The following GPR158 variants were observed in gnomAD, a reference collection of about 807,000 sequenced individuals.
The protein encoded by GPR158 is metabotropic glycine receptor.
In GPR158, 30 loss-of-function variants were observed where a neutral mutation model predicts 78.2. That is an observed-to-expected ratio of 0.38 (90% CI 0.29 to 0.52). The LOEUF (loss-of-function observed/expected upper bound fraction) is 0.52, where lower values mean the gene tolerates loss of function less well. GPR158 is among the 20% of genes least tolerant of loss of function. GPR158 has a pLI of 0.83. For synonymous variants in GPR158, 581 were observed against 591.1 expected (o/e 0.98, Z 0.25); for missense variants, 1,463 against 1,523.5 (o/e 0.96, Z 0.66).
chr10:25,500,235 C>T (rs970418997), intron 5 of GPR158, among the ~76,000 whole-genome samples: 1 of 152,158 alleles, frequency 6.6e-6, no homozygotes, highest in Non-Finnish European at 1.5e-5. Flanking sequence ...TAGTTTCTGG[C>T]AGTCATTACT....
At chr10:25,237,951 C>CCTCACTCCCTTT (rs201029395) in intron 2 of GPR158, among the ~76,000 whole-genome samples, 1,578 of 152,208 alleles carry the variant, frequency 0.01, 20 homozygotes, top group South Asian at 0.039. Context: ...TCACTCCCTC[C>CCTCACTCCCTTT]CCTTTCTTTG....
At chr10:25,394,098 T>C (rs1056317671) in intron 2 of GPR158, among the ~76,000 whole-genome samples, 1 of 152,218 alleles carries the variant, frequency 6.6e-6, no homozygotes, top group South Asian at 2.1e-4. Context: ...CTTTCTCAGA[T>C]CAGTTAAATG....
chr10:25,211,830 A>G (rs188717272), intron 1 of GPR158, among the ~76,000 whole-genome samples: 62 of 152,302 alleles, frequency 4.1e-4, no homozygotes, highest in Non-Finnish European at 3.8e-4. Flanking sequence ...TAGTGGCCCA[A>G]GTTCCTAATA....
intron 1 of GPR158, among the ~76,000 whole-genome samples, chr10:25,194,766 T>C (rs1464237800): frequency 3.3e-5 from 5 of 152,184 alleles, no homozygotes; most frequent in Admixed American, 3.3e-4. Flanking sequence ...TTCCTTTCTT[T>C]CTTTACCCTC....
chr10:25,404,087 G>A lies in GPR158; in HGVS notation c.1111+8074G>A, dbSNP rs1258725916. On this transcript the variant is annotated intron_variant, in intron 3 of 10. Transcript: ENST00000376351. The stretch of plus-strand genomic sequence containing the variant: ...TGCATATGTTCTCTTTTCCTAGATA[G>A]AGAACTTCAGCATAAATCAGCAAAC... Among the ~76,000 whole-genome samples the A allele has an allele frequency of 3.3e-5, 5 of 152,146 alleles. No individual in the cohort carries two copies. The East Asian group carries it at 7.7e-4, about 24-fold the overall frequency.
chr10:25,505,199 T>C (rs1045197347), intron 5 of GPR158, among the ~76,000 whole-genome samples: 1 of 152,226 alleles, frequency 6.6e-6, no homozygotes, highest in East Asian at 1.9e-4. Flanking sequence ...TATTTTCTGT[T>C]CTCTGTTGAT....
intron 2 of GPR158, among the ~76,000 whole-genome samples, chr10:25,346,225 CAA>C (rs1491422676): frequency 3.9e-4 from 57 of 147,814 alleles, no homozygotes; most frequent in Non-Finnish European, 7.2e-4. Context: ...TGGGTGCTCT[CAA>C]TTATTTTGAA....
At chr10:25,484,432 C>T (rs1316554155) in intron 5 of GPR158, among the ~76,000 whole-genome samples, 3 of 152,112 alleles carry the variant, frequency 2.0e-5, no homozygotes, top group Non-Finnish European at 4.4e-5. Context: ...AATTTCCAGT[C>T]AGATCAAATG....
At position 25,478,003 on chromosome 10, in the gene GPR158, C is replaced by T. The variant is rs935980135; in HGVS notation, c.1404+11284C>T. ...AGTTCCATTTATCCACTTGGCTTGT[C>T]TCCTCTTCTGTACTCAACCCATCAG... On this transcript the variant is annotated intron_variant, in intron 5 of 10. Transcript: ENST00000376351. 4.6e-5 allele frequency among the ~76,000 whole-genome samples: 7 copies of T among 152,144 alleles called. 1 individual carries two copies. Among genetic ancestry groups the T allele is most frequent in the Admixed American group, 3.9e-4 (6 of 15,264 alleles).
At chr10:25,203,085 C>A (rs1297880968) in intron 1 of GPR158, among the ~76,000 whole-genome samples, 1 of 152,130 alleles carries the variant, frequency 6.6e-6, no homozygotes, top group Non-Finnish European at 1.5e-5. Context: ...ATCCTTTGCC[C>A]ACTTTTTGAT....
At chr10:25,561,996 T>A (rs575672620) in intron 6 of GPR158, among the ~76,000 whole-genome samples, 40 of 151,634 alleles carry the variant, frequency 2.6e-4, no homozygotes, top group African/African-American at 9.2e-4. Context: ...AGAGACTGGG[T>A]CTGCAATGTT....
intron 5 of GPR158, among the ~76,000 whole-genome samples, chr10:25,496,008 T>C (rs750286586): frequency 5.3e-4 from 81 of 152,000 alleles, no homozygotes; most frequent in Admixed American, 1.4e-3. Flanking sequence ...GCACCCCAGC[T>C]CCAGTTATGA....
At chr10:25,315,195 A>C (rs1854830965) in intron 2 of GPR158, among the ~76,000 whole-genome samples, 1 of 151,584 alleles carries the variant, frequency 6.6e-6, no homozygotes, top group Non-Finnish European at 1.5e-5. Context: ...ACTTTGTTTT[A>C]CTCTTACTGA....
intron 2 of GPR158, among the ~76,000 whole-genome samples, chr10:25,264,711 C>A (rs1237914549): frequency 6.6e-6 from 1 of 152,118 alleles, no homozygotes; most frequent in Admixed American, 6.6e-5. Context: ...TAAGCTATTA[C>A]CATAGTAATT....
At position 25,536,099 on chromosome 10, in the gene GPR158, C is replaced by T. The variant is rs190424363; in HGVS notation, c.1405-14877C>T. Among the ~76,000 whole-genome samples the T allele has an allele frequency of 7.9e-5, 12 of 152,226 alleles. No individual in the cohort carries two copies. The East Asian group carries it at 2.3e-3, about 29-fold the overall frequency. ...ATTTAGGGCAATTAACACCAAATTCCTTGTTTTACCCACTGCATTAGGCTG... is the reference window on the plus strand; with the variant it reads ...ATTTAGGGCAATTAACACCAAATTCTTTGTTTTACCCACTGCATTAGGCTG... On this transcript the variant is annotated intron_variant, in intron 5 of 10. Coordinates refer to ENST00000376351, the MANE Select transcript of GPR158 (RefSeq NM_020752.3).
intron 2 of GPR158, among the ~76,000 whole-genome samples, chr10:25,228,442 A>G (rs1018820666): frequency 2.0e-5 from 3 of 152,168 alleles, no homozygotes; most frequent in Non-Finnish European, 4.4e-5. Context: ...GTGACTTACA[A>G]TGTATCCAAA....
intron 2 of GPR158, among the ~76,000 whole-genome samples, chr10:25,225,104 T>A (rs915952910): frequency 6.6e-6 from 1 of 152,050 alleles, no homozygotes; most frequent in Non-Finnish European, 1.5e-5. Flanking sequence ...TGTTGTTTTT[T>A]AAATACCTGT....
chr10:25,444,235 G>GGT (rs1443379027), intron 4 of GPR158, among the ~76,000 whole-genome samples: 4 of 151,330 alleles, frequency 2.6e-5, no homozygotes, highest in Non-Finnish European at 4.4e-5. Flanking sequence ...AATAATGGGG[G>GGT]GTGTGTGTGA....
At chr10:25,414,688 T>C (rs1252087190) in intron 4 of GPR158, among the ~76,000 whole-genome samples, 1 of 152,182 alleles carries the variant, frequency 6.6e-6, no homozygotes, top group Non-Finnish European at 1.5e-5. Context: ...CTTTGCAACA[T>C]TTCTTTGGAT....
Sources: gnomAD v4.1 joint callset for allele counts (sites outside exome capture counted in the v4.1 genomes callset) on GRCh38, gnomAD v4.1.1 for gene constraint, MANE v1.5 for transcripts, NCBI Gene and HGNC (gene_info 2026-07-23, HGNC 2026-07-21) for gene names.